The following MAN1B1 variants were observed in gnomAD, a reference collection of about 807,000 sequenced individuals.
MAN1B1 encodes the protein endoplasmic reticulum mannosyl-oligosaccharide 1,2-alpha-mannosidase.
In MAN1B1, 66 loss-of-function variants were observed where a neutral mutation model predicts 75.5. The observed-to-expected ratio is 0.87, with a 90% CI of 0.72 to 1.07. The LOEUF is 1.07. Ranked by LOEUF, MAN1B1 falls within the 50% of genes least tolerant of loss-of-function variation. The pLI is 0.00. For missense variants in MAN1B1, 973 were observed against 912.5 expected, an observed-to-expected ratio of 1.07 and a Z score of -0.85; for synonymous variants, 453 against 382.8, an observed-to-expected ratio of 1.18 and a Z score of -2.14.
At chr9:137,101,702 G>A (rs773639735) in intron 8 of MAN1B1, 30 bp downstream of exon 8, 12 of 1,598,784 alleles carry the variant, frequency 7.5e-6, no homozygotes, top group Admixed American at 3.4e-5. Context: ...GGCTGGATGC[G>A]CCTCCCCTGG....
Position 137,099,697 on chromosome 9 carries a change from G to C in MAN1B1, c.732G>C (p.Val244=), listed in dbSNP as rs1197593152. 4 of 1,614,050 alleles carry C rather than the reference G, an allele frequency of 2.5e-6. No homozygotes were observed. Among genetic ancestry groups the C allele is most frequent in the Admixed American group, 1.7e-5 (1 of 60,012 alleles). The part of the protein sequence containing the change: ...LPPARTQGTP[V]HLNYRQKGVI... ...CCTGTGCTCTCTCCCCCCTACTAGT[G>C]CATCTGAACTATCGCCAGAAGGGCG... is the stretch of plus-strand genomic sequence containing the variant. Residue 244 remains valine (V), a splice_region_variant and synonymous_variant, in exon 6 of 13, where the codon GTG becomes GTC. Coordinates refer to ENST00000371589, the MANE Select transcript of MAN1B1 (RefSeq NM_016219.5).
intron 3 of MAN1B1, chr9:137,089,227 C>CTG: frequency 3.2e-6 from 2 of 619,950 alleles, no homozygotes; most frequent in Non-Finnish European, 5.8e-6. Flanking sequence ...TTACTTCTGA[C>CTG]TGTGCAGTGT....
At chr9:137,099,661 G>A (rs200789307) in intron 5 of MAN1B1, 35 bp from the exon 6 acceptor site, 80 of 1,611,782 alleles carry the variant, frequency 5.0e-5, no homozygotes, top group Non-Finnish European at 6.4e-5. Flanking sequence ...CCAGGACCAC[G>A]TCCGCCATGG....
chr9:137,104,382 C>G (rs2131111225), intron 8 of MAN1B1: 1 of 297,268 alleles, frequency 3.4e-6, no homozygotes, highest in Non-Finnish European at 6.6e-6. Flanking sequence ...TTACAGGCGC[C>G]TGCCACCACG....
At chr9:137,099,291 A>G (rs1404862472) in intron 5 of MAN1B1, among the ~76,000 whole-genome samples, 2 of 152,240 alleles carry the variant, frequency 1.3e-5, no homozygotes, top group Non-Finnish European at 2.9e-5. Context: ...AGTTGGCACC[A>G]CACTCACCCA....
chr9:137,099,939 G>A (rs1487017445), intron 6 of MAN1B1, 58 bp downstream of exon 6: 5 of 1,593,854 alleles, frequency 3.1e-6, no homozygotes, highest in Non-Finnish European at 4.3e-6. Context: ...GTGTGCTGAG[G>A]CAGAGTGTGG....
chr9:137,087,267 G>C lies in MAN1B1; in HGVS notation c.219+49G>C, dbSNP rs947959143. Reference sequence around the variant, plus strand: ...GGGGCCCGGGGCTGCCGTGCCCGCCGCCCTCCCAGACTGCGGCTCCGAGCG... The same window carrying C: ...GGGGCCCGGGGCTGCCGTGCCCGCCCCCCTCCCAGACTGCGGCTCCGAGCG... On this transcript the variant is annotated intron_variant, in intron 1 of 12. Coordinates refer to ENST00000371589, the MANE Select transcript of MAN1B1 (RefSeq NM_016219.5). 8.4e-6 allele frequency: 13 copies of C among 1,538,738 alleles called. No homozygotes were observed. The African/African-American group carries it at 1.8e-4, about 21-fold the overall frequency.
At chr9:137,108,085 G>A (rs970370449) in intron 12 of MAN1B1, 5 of 604,812 alleles carry the variant, frequency 8.3e-6, no homozygotes, top group East Asian at 2.7e-5. Context: ...TGAGGCCCCC[G>A]CTGCCTCCGC....
intron 8 of MAN1B1, 130 bp downstream of exon 8, chr9:137,101,802 A>C (rs1382564722): frequency 1.3e-5 from 15 of 1,113,258 alleles, no homozygotes; most frequent in African/African-American, 3.1e-5. Flanking sequence ...AAAACACACA[A>C]AACGCACCAC....
At chr9:137,106,394 C>T in intron 9 of MAN1B1, 79 bp downstream of exon 9, 3 of 1,335,202 alleles carry the variant, frequency 2.2e-6, no homozygotes. Context: ...CCCCAGCTCC[C>T]ACGGCCCCCG....
In MAN1B1 at chr9:137,103,511, C is replaced by T. The variant is rs549382144; in HGVS notation, c.1254+1839C>T. The T allele has an allele frequency of 1.3e-3, 563 of 436,238 alleles. 5 individuals are homozygous for T. The highest frequency in any genetic ancestry group is 0.011 in the African/African-American group (496 of 47,216). 27.0% of individuals were successfully genotyped at this position (436,238 alleles called of 1,614,324 possible). The stretch of plus-strand genomic sequence containing the variant: ...GTACACACATTCACGCTATTGCAGG[C>T]GTGCAGGCCGGTGGTGTTACATTCA... On this transcript the variant is annotated intron_variant, in intron 8 of 12. Coordinates refer to ENST00000371589, the MANE Select transcript of MAN1B1 (RefSeq NM_016219.5).
At chr9:137,104,172 T>C in intron 8 of MAN1B1, 2 of 425,732 alleles carry the variant, frequency 4.7e-6, no homozygotes, top group Non-Finnish European at 9.5e-6. Context: ...TGTTCAGGTT[T>C]TTCTTCCTGG....
chr9:137,108,995 T>C lies in MAN1B1; in HGVS notation c.*404T>C, dbSNP rs759863657. On this transcript the variant is annotated 3_prime_UTR_variant, in exon 13 of 13. Coordinates refer to ENST00000371589, the MANE Select transcript of MAN1B1 (RefSeq NM_016219.5). ...CTCAGATGTCCCCAATCCAAGGGTC[T>C]GGAGGGGCTGCCGTGACTCCAGAGG... 97 of 461,026 alleles carry C rather than the reference T, an allele frequency of 2.1e-4. 2 individuals are homozygous for C. The highest frequency in any genetic ancestry group is 1.5e-3 in the South Asian group (94 of 64,586). The allele number at this position is 461,026 out of a possible 1,614,324, so 28.6% of individuals were successfully genotyped here.
At chr9:137,107,884 C>G (rs372028474) in intron 12 of MAN1B1, 3 of 664,038 alleles carry the variant, frequency 4.5e-6, no homozygotes, top group East Asian at 2.7e-5. Context: ...CTTGGAGGGG[C>G]TGGGCACCCC....
chr9:137,087,458 C>T (rs1383780057), intron 1 of MAN1B1: 1 of 692,898 alleles, frequency 1.4e-6, no homozygotes. Context: ...GGGCTCAGAG[C>T]CCCAGCAGGT....
chr9:137,103,584 G>A, intron 8 of MAN1B1: 1 of 444,124 alleles, frequency 2.3e-6, no homozygotes, highest in African/African-American at 2.0e-5. Context: ...CACACTTGCA[G>A]GCGTGCGGGT....
intron 3 of MAN1B1, chr9:137,094,485 A>T: frequency 1.1e-5 from 4 of 362,184 alleles, no homozygotes; most frequent in South Asian, 8.8e-5. Flanking sequence ...CACATCTGTC[A>T]TCCCAGCACT....
intron 9 of MAN1B1, 160 bp downstream of exon 9, chr9:137,106,475 G>A (rs572333122): frequency 3.2e-6 from 3 of 949,612 alleles, no homozygotes; most frequent in Admixed American, 2.3e-5. Flanking sequence ...AGGCATTTAT[G>A]TGGAGGGCGT....
chr9:137,087,315 C>G (rs1283390073), intron 1 of MAN1B1, 97 bp downstream of exon 1: 2 of 1,352,516 alleles, frequency 1.5e-6, no homozygotes, highest in Admixed American at 2.3e-5. Flanking sequence ...GCGGACTCGA[C>G]TCCCCAGGCG....
Sources: gnomAD v4.1 joint callset for allele counts (sites outside exome capture counted in the v4.1 genomes callset) on GRCh38, gnomAD v4.1.1 for gene constraint, MANE v1.5 for transcripts, NCBI Gene and HGNC (gene_info 2026-07-23, HGNC 2026-07-21) for gene names.